Variants in SETDB1 observed in about 807,000 individuals in gnomAD.
SETDB1 encodes the protein SET domain bifurcated histone lysine methyltransferase 1.
In SETDB1, 31 loss-of-function variants were observed where a neutral mutation model predicts 137.4. The ratio of observed to expected loss-of-function variants is 0.23; its 90% CI spans 0.17 to 0.30. SETDB1 has a LOEUF of 0.30. Ranked by LOEUF, SETDB1 falls within the 10% of genes least tolerant of loss-of-function variation. The probability of loss-of-function intolerance (pLI) is 1.00; values close to 1 mark genes in which losing one functional copy is unlikely to be tolerated. For missense variants in SETDB1, 1,113 were observed against 1,631.5 expected (o/e 0.68, Z 5.47); for synonymous variants, 548 against 579.9 (o/e 0.95, Z 0.79).
intron 3 of SETDB1, among the ~76,000 whole-genome samples, chr1:150,936,823 T>A (rs1368275811): frequency 6.8e-6 from 1 of 147,288 alleles, no homozygotes; most frequent in Non-Finnish European, 1.5e-5. Flanking sequence ...CTGCCTGATT[T>A]AAAAAAAAAA....
At chr1:150,955,583 C>T (rs1670612495) in intron 14 of SETDB1, among the ~76,000 whole-genome samples, 1 of 152,236 alleles carries the variant, frequency 6.6e-6, no homozygotes. Flanking sequence ...CTCAGAGAGA[C>T]CTTCCCTGAC....
chr1:150,935,341 A>G, intron 3 of SETDB1, among the ~76,000 whole-genome samples: 1 of 151,562 alleles, frequency 6.6e-6, no homozygotes, highest in East Asian at 1.9e-4. Context: ...TCTTAATCCT[A>G]CTTGAGGTCC....
At chr1:150,962,519 C>T in intron 17 of SETDB1, 68 bp from the exon 18 acceptor site, 1 of 1,538,050 alleles carries the variant, frequency 6.5e-7, no homozygotes, top group South Asian at 1.1e-5. Context: ...TGCCTTCTCT[C>T]AAACCTAGGC....
intron 17 of SETDB1, 63 bp downstream of exon 17, chr1:150,962,221 T>C: frequency 6.9e-7 from 1 of 1,455,938 alleles, no homozygotes; most frequent in Non-Finnish European, 9.6e-7. Context: ...CAGGCTGGAG[T>C]GCAGTGGCGT....
At chr1:150,929,297 G>A (rs902499931) in intron 2 of SETDB1, among the ~76,000 whole-genome samples, 7 of 152,168 alleles carry the variant, frequency 4.6e-5, no homozygotes, top group Non-Finnish European at 1.0e-4. Flanking sequence ...TAACTGGTGT[G>A]AGACGGTATC....
chr1:150,943,786 G>T, intron 7 of SETDB1, 134 bp from the exon 8 acceptor site: 2 of 587,150 alleles, frequency 3.4e-6, no homozygotes, highest in South Asian at 4.8e-5. Flanking sequence ...GAAGAAAGTA[G>T]TGGACTGGAT....
At chr1:150,952,425 A>T (rs757725605) in intron 14 of SETDB1, among the ~76,000 whole-genome samples, 4 of 152,118 alleles carry the variant, frequency 2.6e-5, no homozygotes, top group Non-Finnish European at 4.4e-5. Context: ...AGAGCTACAG[A>T]ATTGGATAGA....
intron 1 of SETDB1, among the ~76,000 whole-genome samples, chr1:150,927,359 C>T (rs958989493): frequency 2.0e-5 from 3 of 152,172 alleles, no homozygotes; most frequent in African/African-American, 7.2e-5. Flanking sequence ...CTCCTGCCCT[C>T]AAGCGACCCT....
At position 150,942,962 on chromosome 1, in the gene SETDB1, A is replaced by G; in HGVS notation, c.784A>G (p.Ser262Gly). 1 of 1,614,060 alleles carries G rather than the reference A, an allele frequency of 6.2e-7. No individual in the cohort carries two copies. Among genetic ancestry groups the G allele is most frequent in the Non-Finnish European group, 8.5e-7 (1 of 1,179,908 alleles). Residue 262 changes from serine to glycine, a missense_variant, in exon 7 of 22, where the codon AGT becomes GGT. Physicochemically the swap from Ser to Gly is moderately conservative, Grantham distance 56 (BLOSUM62 0). Transcript: ENST00000692827. The part of the protein sequence containing the change: ...HPPADKLYVG[S>G]RVVAKYKDGN... ...TCCTGCTGACAAGCTGTATGTGGGC[A>G]GTCGGGTGGTCGCCAAATACAAAGA...
At chr1:150,929,217 A>G (rs1016510396) in intron 2 of SETDB1, among the ~76,000 whole-genome samples, 1 of 152,288 alleles carries the variant, frequency 6.6e-6, no homozygotes, top group South Asian at 2.1e-4. Context: ...CCAACAGTGT[A>G]AAAGTGTTCC....
rs144869882 is a variant in SETDB1 at position 150,927,760 on chromosome 1, A to G, written c.46A>G (p.Thr16Ala). 16 of 1,614,052 alleles carry G rather than the reference A, an allele frequency of 9.9e-6. No individual in the cohort carries two copies. Among genetic ancestry groups the G allele is most frequent in the Non-Finnish European group, 1.3e-5 (15 of 1,179,998 alleles). The change falls in exon 2 of 22, where the codon ACA becomes GCA. Residue 16 changes from threonine to alanine, a missense_variant. By Grantham distance (58) the Thr-to-Ala change is moderately conservative (BLOSUM62 0). Coordinates refer to ENST00000692827, the MANE Select transcript of SETDB1 (RefSeq NM_001366418.1). ...CATTGGTTTGGATGCAGCAACAGCT[A>G]CAGTGGAGTCTGAAGAGATTGCAGA... ...GCIGLDAATA[T>A]VESEEIAELQ...
Position 150,950,749 on chromosome 1 carries a change from T to C in SETDB1, c.1875T>C (p.His625=), listed in dbSNP as rs587635581. Residue 625 remains histidine, a synonymous_variant, in exon 13 of 22, where the codon CAT becomes CAC. Transcript: ENST00000692827. The part of the protein sequence containing the change: ...RRRVNRKMGF[H]VIYKTPCGLC... ...GAGTTAACCGCAAGATGGGCTTTCA[T>C]GTTATCTATAAGACACCTTGTGGTC... 1 of 1,614,216 alleles carries C rather than the reference T, an allele frequency of 6.2e-7. No homozygotes were observed. The highest frequency in any genetic ancestry group is 1.7e-5 in the Admixed American group (1 of 60,024).
intron 3 of SETDB1, among the ~76,000 whole-genome samples, chr1:150,935,184 C>G (rs1669907644): frequency 6.6e-6 from 1 of 152,222 alleles, no homozygotes; most frequent in Non-Finnish European, 1.5e-5. Context: ...TACGCCATCC[C>G]TGTGCCCTCT....
chr1:150,927,364 G>A (rs993526388), intron 1 of SETDB1, among the ~76,000 whole-genome samples: 2 of 152,066 alleles, frequency 1.3e-5, no homozygotes, highest in Admixed American at 6.6e-5. Context: ...GCCCTCAAGC[G>A]ACCCTCCTGC....
chr1:150,945,180 G>A (rs2102700598), intron 9 of SETDB1, 72 bp downstream of exon 9: 2 of 1,593,652 alleles, frequency 1.3e-6, no homozygotes, highest in South Asian at 2.3e-5. Flanking sequence ...TAATGAGGAT[G>A]GTTTTATAGC....
chr1:150,948,456 A>T (rs1670395142), intron 10 of SETDB1, among the ~76,000 whole-genome samples: 1 of 151,910 alleles, frequency 6.6e-6, no homozygotes, highest in African/African-American at 2.4e-5. Context: ...TTGTTAGTAG[A>T]GACGGGATTT....
At chr1:150,945,534 T>C (rs1380806353) in intron 9 of SETDB1, among the ~76,000 whole-genome samples, 1 of 152,206 alleles carries the variant, frequency 6.6e-6, no homozygotes, top group Admixed American at 6.5e-5. Flanking sequence ...CTCTCTCCCT[T>C]CTTAGAATCA....
intron 14 of SETDB1, among the ~76,000 whole-genome samples, chr1:150,952,223 C>T (rs915314898): frequency 3.9e-5 from 6 of 151,946 alleles, no homozygotes; most frequent in African/African-American, 1.5e-4. Flanking sequence ...GTGATGTGAC[C>T]TGCCTTTTTC....
At chr1:150,937,938 G>A (rs913716799) in intron 3 of SETDB1, among the ~76,000 whole-genome samples, 1 of 152,082 alleles carries the variant, frequency 6.6e-6, no homozygotes, top group African/African-American at 2.4e-5. Flanking sequence ...GCCATAAAAA[G>A]GAATGAAGGG....
Sources: allele counts gnomAD v4.1 joint callset (sites outside exome capture counted in the v4.1 genomes callset), GRCh38; gene constraint gnomAD v4.1.1; transcripts MANE v1.5; gene names NCBI Gene and HGNC (gene_info 2026-07-23, HGNC 2026-07-21).